KLHDC8A: variants seen among roughly 807,000 people sequenced by gnomAD.
The protein encoded by KLHDC8A is kelch domain-containing protein 8A.
A neutral mutation model predicts 33.1 loss-of-function variants in KLHDC8A; 21 were observed. The ratio of observed to expected loss-of-function variants is 0.64; its 90% CI spans 0.45 to 0.91. The LOEUF (loss-of-function observed/expected upper bound fraction) is 0.91. KLHDC8A is among the 40% of genes least tolerant of loss of function. The probability of loss-of-function intolerance (pLI) is 0.00; values close to 1 mark genes in which losing one functional copy is unlikely to be tolerated. For missense variants in KLHDC8A, 435 were observed against 483.3 expected (o/e 0.90, Z 0.94); for synonymous variants, 173 against 193.5 (o/e 0.89, Z 0.88).
chr1:205,346,900 T>C (rs1662963945), intron 1 of KLHDC8A, among the ~76,000 whole-genome samples: 1 of 152,156 alleles, frequency 6.6e-6, no homozygotes. Context: ...TGCCAGGCAG[T>C]GCAGGTAAGG....
Position 205,343,298 on chromosome 1 carries a change from C to T in KLHDC8A, c.307G>A (p.Asp103Asn), listed in dbSNP as rs780070363. The T allele has an allele frequency of 6.2e-7, 1 of 1,613,048 alleles. No homozygotes were observed. Among genetic ancestry groups the T allele is most frequent in the African/African-American group, 1.3e-5 (1 of 74,890 alleles). Residue 103 changes from aspartate (D) to asparagine (N), a missense_variant, in exon 2 of 6, where the codon GAT becomes AAT. Asp to Asn is a conservative substitution (Grantham distance 23). Transcript: ENST00000367155. ...CTCCTCTTCTTCCACTTGCCCTCAT[C>T]GATGTTGTACATCTCCACGACCTTC... ...PLKVVEMYNIDEGKWKKRSML... is the reference protein window; with the variant it reads ...PLKVVEMYNINEGKWKKRSML...
At chr1:205,344,020 G>C (rs1326446875) in intron 1 of KLHDC8A, 1 of 162,156 alleles carries the variant, frequency 6.2e-6, no homozygotes, top group South Asian at 2.0e-4. Flanking sequence ...AGGGGTTCGG[G>C]GTGCCGGGCA....
rs1208639777 is a variant in KLHDC8A, at chr1:205,343,668, G to A, written c.-64C>T. 6.7e-7 allele frequency: 1 copy of A among 1,486,272 alleles called. No homozygotes were observed. The highest frequency in any genetic ancestry group is 8.9e-7 in the Non-Finnish European group (1 of 1,118,610). 92.1% of individuals were successfully genotyped at this position (1,486,272 alleles called of 1,614,324 possible). A position where few individuals can be genotyped will look rare whatever the true frequency, so the allele number is the denominator to read the frequency against. On this transcript the variant is annotated 5_prime_UTR_variant, in exon 2 of 6. Coordinates refer to ENST00000367155, the MANE Select transcript of KLHDC8A (RefSeq NM_018203.3). ...GAGCGCGGGGGTCCACCGGCTACTT[G>A]GCGCCGGCTCCCACGGCCCCTATCG...
intron 1 of KLHDC8A, among the ~76,000 whole-genome samples, chr1:205,353,459 A>G (rs1167975366): frequency 6.6e-6 from 1 of 152,224 alleles, no homozygotes; most frequent in East Asian, 1.9e-4. Flanking sequence ...CCCTTTACAG[A>G]AAATGCTTGT....
intron 1 of KLHDC8A, among the ~76,000 whole-genome samples, chr1:205,356,093 C>G (rs1435640012): frequency 6.6e-6 from 1 of 150,498 alleles, no homozygotes; most frequent in Non-Finnish European, 1.5e-5. Context: ...CTCCCCCCCT[C>G]CCTCCTTTTT....
chr1:205,337,676 G>A lies in KLHDC8A; in HGVS notation c.860-84C>T, dbSNP rs112007155. 4,132 of 958,808 alleles carry A rather than the reference G, an allele frequency of 4.3e-3. 124 individuals are homozygous for A. In the African/African-American group the frequency reaches 0.059, roughly 14 times the overall value. The allele number at this position is 958,808 out of a possible 1,614,324, so 59.4% of individuals were successfully genotyped here. On this transcript the variant is annotated intron_variant, in intron 5 of 5. Coordinates refer to ENST00000367155, the MANE Select transcript of KLHDC8A (RefSeq NM_018203.3). The stretch of plus-strand genomic sequence containing the variant: ...ACGGTCACCCCACCTCCCTCCCTTC[G>A]GCACCCACAAGCAGAAGCCAAGCAA...
At chr1:205,347,668 T>G (rs1482083928) in intron 1 of KLHDC8A, among the ~76,000 whole-genome samples, 1 of 152,078 alleles carries the variant, frequency 6.6e-6, no homozygotes, top group Non-Finnish European at 1.5e-5. Flanking sequence ...TGAAACAAGA[T>G]CGTGCCACTG....
At chr1:205,344,847 G>T (rs1662903151) in intron 1 of KLHDC8A, among the ~76,000 whole-genome samples, 1 of 151,764 alleles carries the variant, frequency 6.6e-6, no homozygotes, top group Non-Finnish European at 1.5e-5. Flanking sequence ...ACAGACATGT[G>T]GACACAGCCA....
In KLHDC8A at chr1:205,337,317, C is replaced by T. The variant is rs72747066; in HGVS notation, c.*82G>A. 0.26 allele frequency: 312,166 copies of T among 1,204,744 alleles called. 43,568 individuals carry two copies. Among genetic ancestry groups the T allele is most frequent in the Non-Finnish European group, 0.29 (240,718 of 824,014 alleles). The allele number at this position is 1,204,744 out of a possible 1,614,324, so 74.6% of individuals were successfully genotyped here. The stretch of plus-strand genomic sequence containing the variant: ...AGGAGCTGACATTCTTGGAAGTAGC[C>T]CCGACTGCTTGGACAAGATCATTCC... On this transcript the variant is annotated 3_prime_UTR_variant, in exon 6 of 6. Transcript: ENST00000367155.
chr1:205,354,332 T>C lies in KLHDC8A; in HGVS notation c.-190+2201A>G, dbSNP rs115902514. ...TGAATGACTCTGATGTAACTTTAGG[T>C]ACTAATTACAAATTCATTCCTCTTT... On this transcript the variant is annotated intron_variant, in intron 1 of 5. Coordinates refer to ENST00000367155, the MANE Select transcript of KLHDC8A (RefSeq NM_018203.3). 3.1e-3 allele frequency among the ~76,000 whole-genome samples: 476 copies of C among 152,380 alleles called. 6 individuals are homozygous for C. Among genetic ancestry groups the C allele is most frequent in the African/African-American group, 0.011 (452 of 41,598 alleles).
intron 2 of KLHDC8A, among the ~76,000 whole-genome samples, chr1:205,340,430 G>T (rs59297887): frequency 5.6e-4 from 86 of 152,220 alleles, no homozygotes; most frequent in African/African-American, 2.0e-3. Flanking sequence ...CCCTTTGCAG[G>T]TCTTATCCCC....
intron 2 of KLHDC8A, among the ~76,000 whole-genome samples, chr1:205,341,359 G>GA (rs35530862): frequency 7.8e-4 from 117 of 149,556 alleles, no homozygotes; most frequent in Non-Finnish European, 1.1e-3. Context: ...AATCTTATTG[G>GA]AAAAAAAAAA....
Position 205,343,468 on chromosome 1 carries a change from A to T in KLHDC8A, c.137T>A (p.Met46Lys), listed in dbSNP as rs768796394. ...IGGCDDNGVP[M>K]DCFEVYSPEA... is the part of the protein sequence containing the mutation. ...CGGGGAGTAGACCTCGAAGCAGTCC[A>T]TGGGGACGCCGTTGTCGTCACATCC... Residue 46 changes from methionine (M) to lysine (K), a missense_variant, in exon 2 of 6, where the codon ATG becomes AAG. By Grantham distance (95) the Met-to-Lys change is moderately conservative (BLOSUM62 -1). Transcript: ENST00000367155. 6.2e-7 allele frequency: 1 copy of T among 1,613,564 alleles called. No homozygotes were observed. The highest frequency in any genetic ancestry group is 1.7e-5 in the Admixed American group (1 of 60,014).
At position 205,337,415 on chromosome 1, in the gene KLHDC8A, C is replaced by T. The variant is rs1662661903; in HGVS notation, c.1037G>A (p.Cys346Tyr). The change falls in exon 6 of 6, where the codon TGT becomes TAT. Residue 346 changes from cysteine to tyrosine, a missense_variant. Physicochemically the swap from Cys to Tyr is radical, Grantham distance 194. Coordinates refer to ENST00000367155, the MANE Select transcript of KLHDC8A (RefSeq NM_018203.3). ...QGLSDAVEAL[C>Y]VSDS is the part of the protein sequence containing the mutation. ...CAGAGACAGCTAGGAGTCAGAGACA[C>T]ACAGGGCCTCCACTGCGTCACTCAG... The T allele has an allele frequency of 1.2e-6, 2 of 1,613,200 alleles. No individual in the cohort carries two copies. The highest frequency in any genetic ancestry group is 1.3e-5 in the African/African-American group (1 of 75,028).
intron 2 of KLHDC8A, among the ~76,000 whole-genome samples, chr1:205,341,254 T>C (rs1662781040): frequency 6.6e-6 from 1 of 152,174 alleles, no homozygotes; most frequent in African/African-American, 2.4e-5. Context: ...CCCGGGATTC[T>C]GTCTGCCAGC....
At chr1:205,342,218 T>G (rs1264693639) in intron 2 of KLHDC8A, among the ~76,000 whole-genome samples, 6 of 152,196 alleles carry the variant, frequency 3.9e-5, no homozygotes, top group Admixed American at 3.9e-4. Context: ...GCACAAATGG[T>G]AAGGATTCAA....
intron 1 of KLHDC8A, among the ~76,000 whole-genome samples, chr1:205,350,622 C>A (rs1201930655): frequency 6.6e-6 from 1 of 152,148 alleles, no homozygotes; most frequent in African/African-American, 2.4e-5. Context: ...TAATATTGCC[C>A]CTTCCAAAGT....
chr1:205,351,937 G>A (rs931979162), intron 1 of KLHDC8A, among the ~76,000 whole-genome samples: 2 of 151,732 alleles, frequency 1.3e-5, no homozygotes, highest in African/African-American at 4.8e-5. Context: ...AAAAAAGGAG[G>A]TTTTCTCATG....
chr1:205,354,559 G>A (rs2031957), intron 1 of KLHDC8A, among the ~76,000 whole-genome samples: 122,183 of 152,174 alleles, frequency 0.8, 49,164 homozygotes, highest in African/African-American at 0.86. Flanking sequence ...TCTGTAAGCA[G>A]TAATCCTTGA....
Sources: gnomAD v4.1 joint callset for allele counts (sites outside exome capture counted in the v4.1 genomes callset) on GRCh38, gnomAD v4.1.1 for gene constraint, MANE v1.5 for transcripts, NCBI Gene and HGNC (gene_info 2026-07-23, HGNC 2026-07-21) for gene names.